RUFY2: variants seen among roughly 807,000 people sequenced by gnomAD.
RUFY2 encodes RUN and FYVE domain containing 2.
A neutral mutation model predicts 94.4 loss-of-function variants in RUFY2; 49 were observed. The ratio of observed to expected loss-of-function variants is 0.52; its 90% CI spans 0.41 to 0.66. The LOEUF (loss-of-function observed/expected upper bound fraction) is 0.66, where lower values mean the gene tolerates loss of function less well. RUFY2 is among the 30% of genes least tolerant of loss of function. The pLI is 0.00. For synonymous variants in RUFY2, 255 were observed against 235.7 expected, an observed-to-expected ratio of 1.08 and a Z score of -0.75; for missense variants, 541 against 692.8, an observed-to-expected ratio of 0.78 and a Z score of 2.46.
rs376429403 is a variant in RUFY2, at chr10:68,353,303, C to T, written c.1599+2050G>A. Among the ~76,000 whole-genome samples, 197 of 151,128 alleles carry T rather than the reference C, an allele frequency of 1.3e-3. 2 individuals carry two copies. In the South Asian group the frequency reaches 0.04, roughly 30 times the overall value. ...CCGAGATCGCGCCACTGCACTCCAG[C>T]CTGGGTAACAGAGCGAGACCCTGTC... On this transcript the variant is annotated intron_variant, in intron 16 of 17. Coordinates refer to ENST00000602465, the MANE Select transcript of RUFY2 (RefSeq NM_001330103.2).
intron 13 of RUFY2, among the ~76,000 whole-genome samples, chr10:68,370,914 C>G (rs140481427): frequency 0.01 from 1,520 of 151,804 alleles, 28 homozygotes; most frequent in African/African-American, 0.035. Flanking sequence ...GGGTGGGTCA[C>G]AAGGTCAAGA....
chr10:68,368,822 A>T (rs1177995768), intron 13 of RUFY2, among the ~76,000 whole-genome samples: 2 of 152,166 alleles, frequency 1.3e-5, no homozygotes, highest in Non-Finnish European at 2.9e-5. Context: ...CAACCCATTA[A>T]ATACTAATGG....
intron 16 of RUFY2, among the ~76,000 whole-genome samples, chr10:68,350,213 T>C (rs188698598): frequency 3.7e-4 from 57 of 152,136 alleles, no homozygotes; most frequent in Non-Finnish European, 6.8e-4. Context: ...TTTCACCATG[T>C]TGGCCAGGTT....
At chr10:68,361,941 G>A (rs938680008) in intron 15 of RUFY2, among the ~76,000 whole-genome samples, 4 of 152,174 alleles carry the variant, frequency 2.6e-5, no homozygotes, top group Admixed American at 1.3e-4. Flanking sequence ...TGTGCTATTT[G>A]AATGTTCTAA....
intron 13 of RUFY2, among the ~76,000 whole-genome samples, chr10:68,366,056 G>A (rs561611978): frequency 2.0e-5 from 3 of 152,232 alleles, no homozygotes; most frequent in African/African-American, 7.2e-5. Flanking sequence ...ACTAAGTTTG[G>A]TGGCTCATGC....
intron 12 of RUFY2, chr10:68,378,592 C>G: frequency 6.2e-7 from 1 of 1,610,894 alleles, no homozygotes; most frequent in South Asian, 1.1e-5. Flanking sequence ...CCAGCTTGTA[C>G]TGGTCCTGCG....
At chr10:68,348,322 AT>A (rs1388266724) in intron 16 of RUFY2, among the ~76,000 whole-genome samples, 1 of 151,792 alleles carries the variant, frequency 6.6e-6, no homozygotes, top group Non-Finnish European at 1.5e-5. Flanking sequence ...CCTGGGCAAC[AT>A]AGCAAGACCC....
chr10:68,351,420 G>C (rs866048741), intron 16 of RUFY2, among the ~76,000 whole-genome samples: 197 of 148,796 alleles, frequency 1.3e-3, no homozygotes, highest in Non-Finnish European at 2.2e-3. Flanking sequence ...ATAGGCGTGA[G>C]CCACCACGCC....
chr10:68,401,559 T>C, intron 3 of RUFY2, 61 bp downstream of exon 3: 1 of 1,016,270 alleles, frequency 9.8e-7, no homozygotes, highest in Non-Finnish European at 1.6e-6. Context: ...TGTGAGGTAC[T>C]TTGGAGGAAC....
chr10:68,354,136 A>G (rs2046887280), intron 16 of RUFY2, among the ~76,000 whole-genome samples: 1 of 152,102 alleles, frequency 6.6e-6, no homozygotes, highest in African/African-American at 2.4e-5. Flanking sequence ...CATCATTATT[A>G]TTAATAATAT....
Position 68,406,733 on chromosome 10 carries a change from G to A in RUFY2, c.4+453C>T, listed in dbSNP as rs754911187. On this transcript the variant is annotated intron_variant, in intron 1 of 17. Coordinates refer to ENST00000602465, the MANE Select transcript of RUFY2 (RefSeq NM_001330103.2). ...TGCCCAGAGGCCTGGGGGCCCCCCA[G>A]GACCATCGCGGCGGGCTCACCCAGG... 8.1e-6 allele frequency: 13 copies of A among 1,597,984 alleles called. No individual in the cohort carries two copies. In the Admixed American group the frequency reaches 2.1e-4, roughly 25 times the overall value.
intron 12 of RUFY2, chr10:68,377,512 C>CTGTG (rs138187780): frequency 2.3e-4 from 215 of 945,138 alleles, no homozygotes; most frequent in South Asian, 9.8e-4. Flanking sequence ...TGCCGAAGCT[C>CTGTG]TGTGTGTGTG....
At chr10:68,386,799 C>A (rs1403789190) in intron 7 of RUFY2, among the ~76,000 whole-genome samples, 3 of 152,282 alleles carry the variant, frequency 2.0e-5, no homozygotes, top group East Asian at 3.9e-4. Context: ...TATGTGGTTT[C>A]ATGAGGCATA....
At chr10:68,400,751 G>A (rs1007337128) in intron 3 of RUFY2, among the ~76,000 whole-genome samples, 4 of 151,560 alleles carry the variant, frequency 2.6e-5, no homozygotes, top group African/African-American at 7.3e-5. Context: ...GGTGGCTCAC[G>A]CCTGTAATCC....
intron 4 of RUFY2, among the ~76,000 whole-genome samples, chr10:68,395,229 T>G (rs1249436893): frequency 6.6e-6 from 1 of 151,320 alleles, no homozygotes; most frequent in African/African-American, 2.4e-5. Flanking sequence ...TTCCACCTAC[T>G]CGGGAGGCTG....
In RUFY2 at chr10:68,397,380, C is replaced by A. The variant is rs185926892; in HGVS notation, c.297-499G>T. 2.6e-4 allele frequency among the ~76,000 whole-genome samples: 40 copies of A among 152,160 alleles called. 2 individuals carry two copies. In the East Asian group the frequency reaches 6.0e-3, roughly 23 times the overall value. On this transcript the variant is annotated intron_variant, in intron 3 of 17. Coordinates refer to ENST00000602465, the MANE Select transcript of RUFY2 (RefSeq NM_001330103.2). Reference sequence around the variant, plus strand: ...AATACAGTATTATAATCTTTTGGAACCACCATCATTTAATGAAATGTTATG... The same window carrying A: ...AATACAGTATTATAATCTTTTGGAAACACCATCATTTAATGAAATGTTATG...
intron 8 of RUFY2, 99 bp from the exon 9 acceptor site, chr10:68,384,251 C>T (rs1184639991): frequency 1.4e-6 from 2 of 1,386,936 alleles, no homozygotes; most frequent in South Asian, 1.6e-5. Flanking sequence ...AATAAAATCT[C>T]ACAACTAGCA....
In RUFY2 at chr10:68,406,592, G is replaced by A. The variant is rs547169930; in HGVS notation, c.4+594C>T. ...GCTACAGGACTTCTCCGGCCCGTAC[G>A]CGACCCCCAAACCCGGCCGCAGGCG... On this transcript the variant is annotated intron_variant, in intron 1 of 17. Transcript: ENST00000602465. Among the ~76,000 whole-genome samples, 12 of 152,288 alleles carry A rather than the reference G, an allele frequency of 7.9e-5. No homozygotes were observed. In the South Asian group the frequency reaches 2.5e-3, roughly 32 times the overall value.
At chr10:68,390,283 A>C (rs934514404) in intron 7 of RUFY2, among the ~76,000 whole-genome samples, 2 of 152,186 alleles carry the variant, frequency 1.3e-5, no homozygotes, top group East Asian at 3.8e-4. Context: ...CCTAAAATGG[A>C]AAAATGTTTA....
Sources: gnomAD v4.1 joint callset for allele counts (sites outside exome capture counted in the v4.1 genomes callset) on GRCh38, gnomAD v4.1.1 for gene constraint, MANE v1.5 for transcripts, NCBI Gene and HGNC (gene_info 2026-07-23, HGNC 2026-07-21) for gene names.